PCDHA4: variants seen among roughly 807,000 people sequenced by gnomAD.
PCDHA4 encodes the protein protocadherin alpha 4.
In PCDHA4, 49 loss-of-function variants were observed where a neutral mutation model predicts 61.4. That is an observed-to-expected ratio of 0.80 (90% CI 0.63 to 1.01). The LOEUF is 1.01. PCDHA4 is among the 50% of genes least tolerant of loss of function. PCDHA4 has a pLI of 0.00. For synonymous variants in PCDHA4, 590 were observed against 550.3 expected (o/e 1.07, Z -1.01); for missense variants, 1,254 against 1,235.8 (o/e 1.01, Z -0.22).
At chr5:140,883,662 A>G (rs371713279) in intron 1 of PCDHA4, 3 of 1,613,586 alleles carry the variant, frequency 1.9e-6, no homozygotes, top group Non-Finnish European at 2.5e-6. Context: ...GTGTTCGTGA[A>G]GGAAAACAAT....
chr5:140,877,831 C>T (rs1226856696), intron 1 of PCDHA4: 5 of 1,592,698 alleles, frequency 3.1e-6, no homozygotes, highest in Non-Finnish European at 4.3e-6. Context: ...TTTAAATCCT[C>T]CCAGTGAAGT....
At chr5:140,964,910 A>G (rs1474342229) in intron 1 of PCDHA4, among the ~76,000 whole-genome samples, 2 of 152,206 alleles carry the variant, frequency 1.3e-5, no homozygotes, top group African/African-American at 4.8e-5. Context: ...CTTCTCTGGA[A>G]TAACACTGGC....
At position 140,829,133 on chromosome 5, in the gene PCDHA4, C is replaced by T. The variant is rs1554131766; in HGVS notation, c.2385+19561C>T. ...AATTTTGGATAAAAATGATAACGTC[C>T]CTGAGATAGCACTGACTTCCTTATC... On this transcript the variant is annotated intron_variant, in intron 1 of 3. Transcript: ENST00000530339. 6.2e-7 allele frequency: 1 copy of T among 1,612,836 alleles called. No homozygotes were observed. Among genetic ancestry groups the T allele is most frequent in the Admixed American group, 1.7e-5 (1 of 60,014 alleles).
intron 1 of PCDHA4, chr5:140,969,583 AG>A: frequency 1.1e-6 from 1 of 914,068 alleles, no homozygotes; most frequent in South Asian, 1.9e-5. Context: ...AGTGAGGATT[AG>A]TCTTAATATT....
At chr5:140,996,929 C>T (rs1437008519) in intron 3 of PCDHA4, among the ~76,000 whole-genome samples, 2 of 152,070 alleles carry the variant, frequency 1.3e-5, no homozygotes, top group African/African-American at 2.4e-5. Flanking sequence ...AAAAATATAG[C>T]ATTTTTGCAT....
intron 1 of PCDHA4, among the ~76,000 whole-genome samples, chr5:140,954,580 T>C (rs1193569920): frequency 1.3e-5 from 2 of 152,174 alleles, no homozygotes; most frequent in African/African-American, 4.8e-5. Flanking sequence ...TTTTCAGAAG[T>C]GTCTGTTCAT....
At chr5:140,869,325 T>C in intron 1 of PCDHA4, 2 of 1,613,866 alleles carry the variant, frequency 1.2e-6, no homozygotes, top group Non-Finnish European at 1.7e-6. Flanking sequence ...ATGGGGACCT[T>C]CTGGAGGTAA....
intron 1 of PCDHA4, chr5:140,823,028 C>G: frequency 6.2e-7 from 1 of 1,614,206 alleles, no homozygotes; most frequent in Non-Finnish European, 8.5e-7. Flanking sequence ...GAGAGCGTGT[C>G]GGTCTATGAG....
At chr5:140,887,757 C>T (rs1303665192) in intron 1 of PCDHA4, among the ~76,000 whole-genome samples, 16 of 152,166 alleles carry the variant, frequency 1.1e-4, no homozygotes, top group Admixed American at 9.8e-4. Flanking sequence ...TCCAGTAACA[C>T]ATATGTTACA....
intron 3 of PCDHA4, 149 bp downstream of exon 3, chr5:140,982,712 T>C: frequency 7.3e-7 from 1 of 1,373,964 alleles, no homozygotes; most frequent in Non-Finnish European, 9.6e-7. Context: ...TCCTTACATA[T>C]ATGATTATTT....
chr5:140,917,937 T>C (rs2078442259), intron 1 of PCDHA4, among the ~76,000 whole-genome samples: 1 of 152,186 alleles, frequency 6.6e-6, no homozygotes, highest in Non-Finnish European at 1.5e-5. Flanking sequence ...AAAAATAATA[T>C]TGGTAGTTTG....
At chr5:140,903,545 CTT>C (rs1410531246) in intron 1 of PCDHA4, among the ~76,000 whole-genome samples, 2 of 152,130 alleles carry the variant, frequency 1.3e-5, no homozygotes, top group East Asian at 3.8e-4. Flanking sequence ...GAGCAAGAAA[CTT>C]TTCTAATAAG....
chr5:140,929,736 T>A, intron 1 of PCDHA4: 1 of 201,874 alleles, frequency 5.0e-6, no homozygotes, highest in Non-Finnish European at 1.1e-5. Context: ...CTTAAACTAT[T>A]GCAATGCATT....
chr5:141,007,174 G>T (rs926344346), intron 3 of PCDHA4, among the ~76,000 whole-genome samples: 9 of 152,118 alleles, frequency 5.9e-5, no homozygotes, highest in African/African-American at 2.2e-4. Context: ...AGAGAGAAAG[G>T]TCAGGAGAAT....
intron 1 of PCDHA4, chr5:140,930,126 C>T (rs1286889846): frequency 6.6e-6 from 1 of 152,108 alleles, no homozygotes; most frequent in Non-Finnish European, 1.5e-5. Flanking sequence ...GGATATAGGA[C>T]TTGACAACCT....
intron 1 of PCDHA4, chr5:140,825,479 G>GT (rs1181440529): frequency 6.7e-6 from 1 of 149,750 alleles, no homozygotes; most frequent in Admixed American, 6.7e-5. Flanking sequence ...TTTTGCTCTT[G>GT]TTGCCCAAAC....
At chr5:140,967,390 G>C (rs2096135950) in intron 1 of PCDHA4, 1 of 1,609,870 alleles carries the variant, frequency 6.2e-7, no homozygotes, top group African/African-American at 1.3e-5. Context: ...AAGTGCTTGA[G>C]CTGGTGCTGC....
chr5:140,826,328 TAAGAAA>T (rs1768900003), intron 1 of PCDHA4, among the ~76,000 whole-genome samples: 1 of 152,204 alleles, frequency 6.6e-6, no homozygotes, highest in Non-Finnish European at 1.5e-5. Context: ...TGTTTTTGGT[TAAGAAA>T]TTGAACCCTT....
At chr5:140,926,693 C>T (rs576013331) in intron 1 of PCDHA4, 12 of 742,944 alleles carry the variant, frequency 1.6e-5, no homozygotes, top group African/African-American at 9.2e-5. Context: ...CTAGCAAGCC[C>T]GGCTCCCAGC....
Sources: allele counts gnomAD v4.1 joint callset (sites outside exome capture counted in the v4.1 genomes callset), GRCh38; gene constraint gnomAD v4.1.1; transcripts MANE v1.5; gene names NCBI Gene and HGNC (gene_info 2026-07-23, HGNC 2026-07-21).